The following MPPED2 variants were observed in gnomAD, a reference collection of about 807,000 sequenced individuals.
The protein encoded by MPPED2 is metallophosphoesterase domain containing 2, also known as metallophosphoesterase MPPED2.
MPPED2 carries 5 observed loss-of-function variants against 33.0 expected under a neutral mutation model. The ratio of observed to expected loss-of-function variants is 0.15; its 90% confidence interval spans 0.08 to 0.32. The LOEUF (loss-of-function observed/expected upper bound fraction) is 0.32, where lower values mean the gene tolerates loss of function less well. MPPED2 is among the 10% of genes least tolerant of loss of function. The probability of loss-of-function intolerance (pLI) is 1.00; values close to 1 mark genes in which losing one functional copy is unlikely to be tolerated. For missense variants in MPPED2, 275 were observed against 372.1 expected (o/e 0.74, Z 2.15); for synonymous variants, 136 against 141.9 (o/e 0.96, Z 0.29).
chr11:30,543,597 C>G (rs490445), intron 2 of MPPED2, among the ~76,000 whole-genome samples: 86,675 of 151,934 alleles, frequency 0.57, 24,861 homozygotes, highest in South Asian at 0.63. Context: ...ATGCCATCCA[C>G]ATCCATCCAC....
intron 4 of MPPED2, among the ~76,000 whole-genome samples, chr11:30,483,045 C>A (rs577881978): frequency 6.6e-6 from 1 of 152,112 alleles, no homozygotes; most frequent in Non-Finnish European, 1.5e-5. Flanking sequence ...CCTGAAAATT[C>A]GCTCGTCTCT....
intron 3 of MPPED2, among the ~76,000 whole-genome samples, chr11:30,514,324 G>A (rs1953398006): frequency 6.6e-6 from 1 of 152,176 alleles, no homozygotes; most frequent in Admixed American, 6.5e-5. Context: ...ATACTGGAAG[G>A]AATGACCTTG....
chr11:30,433,486 G>A (rs1447549283), intron 4 of MPPED2, among the ~76,000 whole-genome samples: 1 of 152,154 alleles, frequency 6.6e-6, no homozygotes, highest in Non-Finnish European at 1.5e-5. Flanking sequence ...TACAGATGAG[G>A]AAACTGAGGC....
At chr11:30,394,299 T>C (rs1442652939) in intron 6 of MPPED2, among the ~76,000 whole-genome samples, 1 of 152,192 alleles carries the variant, frequency 6.6e-6, no homozygotes, top group Non-Finnish European at 1.5e-5. Context: ...AGAAGTGAGA[T>C]TGCTAGATCA....
At chr11:30,546,031 G>T (rs577931089) in intron 2 of MPPED2, among the ~76,000 whole-genome samples, 92 of 152,244 alleles carry the variant, frequency 6.0e-4, no homozygotes, top group Non-Finnish European at 1.1e-3. Flanking sequence ...TGTTGGCCAG[G>T]CTGGTCTCGA....
intron 4 of MPPED2, among the ~76,000 whole-genome samples, chr11:30,427,157 AAAAT>A (rs1300209395): frequency 1.3e-5 from 2 of 152,340 alleles, no homozygotes; most frequent in African/African-American, 4.8e-5. Context: ...ATTTCCCAAC[AAAAT>A]AAGAAAAAGA....
At chr11:30,450,090 G>A (rs1312920867) in intron 4 of MPPED2, among the ~76,000 whole-genome samples, 1 of 152,186 alleles carries the variant, frequency 6.6e-6, no homozygotes, top group Admixed American at 6.5e-5. Context: ...CCTTTCTAGT[G>A]TCTTTTGAAT....
Position 30,461,521 on chromosome 11 carries a change from G to A in MPPED2, c.536+33775C>T, listed in dbSNP as rs560700833. Among the ~76,000 whole-genome samples, 4 of 152,096 alleles carry A rather than the reference G, an allele frequency of 2.6e-5. No homozygotes were observed. The South Asian group carries it at 6.2e-4, about 24-fold the overall frequency. On this transcript the variant is annotated intron_variant, in intron 4 of 6. Coordinates refer to ENST00000358117, the MANE Select transcript of MPPED2 (RefSeq NM_001584.3). ...AGAGCCAGCAAGTCTACCCTTGCTCGAGTGGAAAGCACTCCGTAGCTGCTG... is the reference window on the plus strand; with the variant it reads ...AGAGCCAGCAAGTCTACCCTTGCTCAAGTGGAAAGCACTCCGTAGCTGCTG...
At chr11:30,542,407 A>C (rs1379259497) in intron 2 of MPPED2, among the ~76,000 whole-genome samples, 2 of 139,478 alleles carry the variant, frequency 1.4e-5, no homozygotes, top group Non-Finnish European at 3.0e-5. Context: ...TGAGCTCAGG[A>C]GTTCGAAATC....
intron 4 of MPPED2, among the ~76,000 whole-genome samples, chr11:30,432,014 A>T (rs1590237566): frequency 6.6e-6 from 1 of 152,224 alleles, no homozygotes; most frequent in Admixed American, 6.5e-5. Flanking sequence ...ATTTCTACTA[A>T]AAATACAAAA....
At chr11:30,387,425 C>T (rs888517262) in exon 7 of MPPED2, 1 of 152,130 alleles carries the variant, frequency 6.6e-6, no homozygotes, top group Admixed American at 6.5e-5. Flanking sequence ...TGATAAATTC[C>T]TACTCTGAAC....
intron 3 of MPPED2, among the ~76,000 whole-genome samples, chr11:30,505,101 C>T (rs193027040): frequency 6.6e-6 from 1 of 152,310 alleles, no homozygotes; most frequent in East Asian, 1.9e-4. Flanking sequence ...GTCACTACTG[C>T]ATTGCACTGA....
At chr11:30,566,018 A>T (rs558344021) in intron 2 of MPPED2, among the ~76,000 whole-genome samples, 37 of 147,942 alleles carry the variant, frequency 2.5e-4, no homozygotes, top group Admixed American at 5.3e-4. Flanking sequence ...GTTTACTATT[A>T]AAAAAAAAAT....
rs568563202 is a variant in MPPED2, at chr11:30,425,929, T to C, written c.537-8296A>G. On this transcript the variant is annotated intron_variant, in intron 4 of 6. Transcript: ENST00000358117. ...ACGTAAAGAAAAGGGATATTTGTCTTCTCTTTTCCTTTTTTCATGGCAGTC... is the reference window on the plus strand; with the variant it reads ...ACGTAAAGAAAAGGGATATTTGTCTCCTCTTTTCCTTTTTTCATGGCAGTC... Among the ~76,000 whole-genome samples the C allele has an allele frequency of 5.3e-5, 8 of 152,230 alleles. No homozygotes were observed. In the East Asian group the frequency reaches 1.5e-3, roughly 29 times the overall value.
chr11:30,502,606 C>A (rs1430342514), intron 3 of MPPED2, among the ~76,000 whole-genome samples: 2 of 152,112 alleles, frequency 1.3e-5, no homozygotes, highest in African/African-American at 4.8e-5. Context: ...AATCTAAAAA[C>A]TTGTTGCTAC....
At chr11:30,494,356 C>T (rs1022555843) in intron 4 of MPPED2, among the ~76,000 whole-genome samples, 1 of 152,120 alleles carries the variant, frequency 6.6e-6, no homozygotes, top group East Asian at 1.9e-4. Context: ...CAGACATACA[C>T]CCAGCCCCAG....
intron 4 of MPPED2, among the ~76,000 whole-genome samples, chr11:30,467,689 C>T (rs1255613426): frequency 6.6e-6 from 1 of 152,216 alleles, no homozygotes; most frequent in Non-Finnish European, 1.5e-5. Context: ...TTTACTTCTA[C>T]TCTAAAAACA....
At position 30,576,540 on chromosome 11, in the gene MPPED2, G is replaced by A. The variant is rs370846005; in HGVS notation, c.128+3706C>T. Among the ~76,000 whole-genome samples the A allele has an allele frequency of 1.6e-4, 25 of 152,190 alleles. No homozygotes were observed. In the East Asian group the frequency reaches 3.7e-3, roughly 22 times the overall value. ...TTTCAATGCTAAAACTGAAATGGCT[G>A]GATACCCTACTAATAAAGTTTTGTA... On this transcript the variant is annotated intron_variant, in intron 2 of 6. Coordinates refer to ENST00000358117, the MANE Select transcript of MPPED2 (RefSeq NM_001584.3).
intron 3 of MPPED2, among the ~76,000 whole-genome samples, chr11:30,505,734 T>C (rs1952794140): frequency 1.3e-5 from 2 of 152,196 alleles, no homozygotes. Context: ...ATTGTCAGGT[T>C]TCATCTGGAT....
Sources: allele counts gnomAD v4.1 joint callset (sites outside exome capture counted in the v4.1 genomes callset), GRCh38; gene constraint gnomAD v4.1.1; transcripts MANE v1.5; gene names NCBI Gene and HGNC (gene_info 2026-07-23, HGNC 2026-07-21).